GLB1: variants seen among roughly 807,000 people sequenced by gnomAD.
GLB1 encodes beta-galactosidase.
A neutral mutation model predicts 74.0 loss-of-function variants in GLB1; 56 were observed. That is an observed-to-expected ratio of 0.76 (90% CI 0.61 to 0.94). GLB1 has a LOEUF of 0.94. Among genes scored for constraint, GLB1 ranks in the 40% least tolerant of loss-of-function variants. The pLI, the probability that GLB1 is intolerant of heterozygous loss-of-function variation, is 0.00. For missense variants in GLB1, 787 were observed against 845.5 expected, an observed-to-expected ratio of 0.93 and a Z score of 0.86; for synonymous variants, 323 against 323.6, an observed-to-expected ratio of 1.00 and a Z score of 0.02.
the GLB1 span, among the ~76,000 whole-genome samples, chr3:32,965,988 G>A: frequency 3.9e-5 from 6 of 152,230 alleles, no homozygotes; most frequent in Non-Finnish European, 8.8e-5. Flanking sequence ...GTATGGAAAC[G>A]CTGGGATGTC....
intron 1 of GLB1, among the ~76,000 whole-genome samples, chr3:33,087,579 GCACACACACACACA>G (rs57935919): frequency 0.074 from 10,459 of 141,666 alleles, 558 homozygotes; most frequent in Non-Finnish European, 0.11. Flanking sequence ...CAGCATGCGC[GCACACACACACACA>G]CACACACACA....
chr3:33,081,605 C>T lies in GLB1; in HGVS notation c.76-8892G>A, dbSNP rs190079031. Among the ~76,000 whole-genome samples the T allele has an allele frequency of 3.0e-4, 45 of 152,340 alleles. 1 individual carries two copies. The highest frequency in any genetic ancestry group is 6.8e-3 in the Middle Eastern group (2 of 294). On this transcript the variant is annotated intron_variant, in intron 1 of 15. Coordinates refer to ENST00000307363, the MANE Select transcript of GLB1 (RefSeq NM_000404.4). ...GGCCCTGGCATACTTGGGAAGCCCC[C>T]CCAGTGGGGCCATCCTCTGCAGGCA...
intron 1 of GLB1, among the ~76,000 whole-genome samples, chr3:33,077,759 G>A (rs754822267): frequency 6.7e-6 from 1 of 150,160 alleles, no homozygotes; most frequent in African/African-American, 2.5e-5. Flanking sequence ...GAAAAATACC[G>A]ATTCTGTAAA....
At position 33,024,276 on chromosome 3, in the gene GLB1, G is replaced by T. The variant is rs1016360920; in HGVS notation, c.1118C>A (p.Ala373Glu). The change falls in exon 11 of 16, where the codon GCA becomes GAA. Residue 373 changes from alanine (A) to glutamate (E), a missense_variant. Transcript: ENST00000307363. ...CTTTTCCAAAGTGACCTTTCCATAT[G>T]CAAACTTTGGTGTAGATGGAGGGAT... ...GPIPPSTPKF[A>E]YGKVTLEKLK... 6.2e-7 allele frequency: 1 copy of T among 1,612,744 alleles called. No homozygotes were observed. The highest frequency in any genetic ancestry group is 1.1e-5 in the South Asian group (1 of 90,938).
At position 33,051,778 on chromosome 3, in the gene GLB1, G is replaced by A. The variant is rs2125522831; in HGVS notation, c.935C>T (p.Thr312Ile). The A allele has an allele frequency of 6.2e-7, 1 of 1,614,022 alleles. No homozygotes were observed. Among genetic ancestry groups the A allele is most frequent in the East Asian group, 2.2e-5 (1 of 44,876 alleles). ...SVNLYMFIGG[T>I]NFAYWNGANS... is the part of the protein sequence containing the mutation. ...CTTACCATTCCAATAGGCAAAATTGGTCCCACCTATAAACATGTACCTACA... is the reference window on the plus strand; with the variant it reads ...CTTACCATTCCAATAGGCAAAATTGATCCCACCTATAAACATGTACCTACA... The change falls in exon 9 of 16, where the codon ACC becomes ATC. Residue 312 changes from threonine to isoleucine, a missense_variant. Physicochemically the swap from Thr to Ile is moderately conservative, Grantham distance 89. Coordinates refer to ENST00000307363, the MANE Select transcript of GLB1 (RefSeq NM_000404.4).
intron 10 of GLB1, chr3:33,034,875 A>T (rs888740080): frequency 2.1e-6 from 1 of 470,000 alleles, no homozygotes; most frequent in Admixed American, 2.5e-5. Flanking sequence ...CTGCCTTAAC[A>T]TGATCAGAGA....
chr3:33,040,689 CAA>C (rs1698463372), intron 10 of GLB1, among the ~76,000 whole-genome samples: 1 of 151,930 alleles, frequency 6.6e-6, no homozygotes, highest in African/African-American at 2.4e-5. Context: ...CACGCAGAAA[CAA>C]GACACCATGA....
chr3:33,061,215 A>G (rs1559406205), intron 5 of GLB1, among the ~76,000 whole-genome samples: 2 of 152,166 alleles, frequency 1.3e-5, no homozygotes, highest in Non-Finnish European at 1.5e-5. Context: ...GTTTGAAACC[A>G]GCCTGGCCAA....
chr3:33,077,849 C>CAAA (rs150278896), intron 1 of GLB1, among the ~76,000 whole-genome samples: 1 of 146,322 alleles, frequency 6.8e-6, no homozygotes, highest in African/African-American at 2.5e-5. Context: ...GCTGTTTTAA[C>CAAA]AAAAAAAAAA....
chr3:32,978,284 C>T, the GLB1 span, among the ~76,000 whole-genome samples: 2 of 152,120 alleles, frequency 1.3e-5, no homozygotes, highest in South Asian at 2.1e-4. Context: ...TTAGCACATT[C>T]GGCATGAAGA....
At chr3:33,025,240 T>C (rs1446462290) in intron 10 of GLB1, among the ~76,000 whole-genome samples, 1 of 152,212 alleles carries the variant, frequency 6.6e-6, no homozygotes, top group Non-Finnish European at 1.5e-5. Context: ...CCAGCGCGCC[T>C]GGCCACAAAT....
At chr3:32,996,110 G>A (rs1482626358), downstream of GLB1, among the ~76,000 whole-genome samples, 1 of 152,188 alleles carries the variant, frequency 6.6e-6, no homozygotes, top group Non-Finnish European at 1.5e-5. Flanking sequence ...CAGGATGACA[G>A]TATATTCCTC....
At chr3:33,052,563 G>A (rs1336325419) in intron 7 of GLB1, 2 of 163,534 alleles carry the variant, frequency 1.2e-5, no homozygotes, top group Non-Finnish European at 2.7e-5. Context: ...CCCGGGAGGT[G>A]GAGAATGCAG....
In GLB1 at chr3:33,072,576, C is replaced by T. The variant is rs1232569401; in HGVS notation, c.213G>A (p.Lys71=). ...PRFYWKDRLL[K]MKMAGLNAIQ... Reference sequence around the variant, plus strand: ...TGGCGTTCAGCCCAGCCATCTTCATCTTCAGCAGCCGGTCCTTCCAGTAGA... The same window carrying T: ...TGGCGTTCAGCCCAGCCATCTTCATTTTCAGCAGCCGGTCCTTCCAGTAGA... Residue 71 remains lysine, a synonymous_variant, in exon 2 of 16, where the codon AAG becomes AAA. Transcript: ENST00000307363. The T allele has an allele frequency of 1.2e-6, 2 of 1,613,854 alleles. No individual in the cohort carries two copies. Among genetic ancestry groups the T allele is most frequent in the Admixed American group, 3.3e-5 (2 of 60,028 alleles).
At chr3:33,005,171 C>T (rs765199356) in intron 15 of GLB1, among the ~76,000 whole-genome samples, 35 of 151,910 alleles carry the variant, frequency 2.3e-4, no homozygotes, top group Non-Finnish European at 3.5e-4. Flanking sequence ...CATCCTAAGT[C>T]GCCTCATTAG....
intron 15 of GLB1, among the ~76,000 whole-genome samples, chr3:32,998,665 C>T (rs909170334): frequency 6.6e-6 from 1 of 151,692 alleles, no homozygotes; most frequent in East Asian, 1.9e-4. Flanking sequence ...GAAAGGAAAA[C>T]ATAAAGGGAG....
intron 1 of GLB1, chr3:33,094,361 C>CTTTTTT: frequency 7.2e-7 from 1 of 1,383,236 alleles, no homozygotes; most frequent in Admixed American, 3.2e-5. Context: ...TGTACCCATT[C>CTTTTTT]AAAACTCAAA....
At chr3:32,965,530 G>A in the GLB1 span, among the ~76,000 whole-genome samples, 1 of 151,824 alleles carries the variant, frequency 6.6e-6, no homozygotes, top group Non-Finnish European at 1.5e-5. Context: ...AGAGGAAGCA[G>A]AGAATAAAAA....
chr3:32,970,830 C>T, the GLB1 span, among the ~76,000 whole-genome samples: 1 of 152,060 alleles, frequency 6.6e-6, no homozygotes, highest in Non-Finnish European at 1.5e-5. Flanking sequence ...TAAGCTCTTA[C>T]CCTAAGCTCT....
Sources: allele counts gnomAD v4.1 joint callset (sites outside exome capture counted in the v4.1 genomes callset), GRCh38; gene constraint gnomAD v4.1.1; transcripts MANE v1.5; gene names NCBI Gene and HGNC (gene_info 2026-07-23, HGNC 2026-07-21).